Variants in PELI3 observed in about 807,000 individuals in gnomAD.
PELI3 encodes E3 ubiquitin-protein ligase pellino homolog 3.
A neutral mutation model predicts 35.5 loss-of-function variants in PELI3; 19 were observed. That is an observed-to-expected ratio of 0.54 (90% CI 0.37 to 0.79). The LOEUF is 0.79. Among genes scored for constraint, PELI3 ranks in the 30% least tolerant of loss-of-function variants. The pLI is 0.00. For missense variants in PELI3, 490 were observed against 661.2 expected (o/e 0.74, Z 2.84); for synonymous variants, 262 against 279.2 (o/e 0.94, Z 0.62).
chr11:66,476,416 C>T lies in PELI3; in HGVS notation c.*249C>T, dbSNP rs1854923068. On this transcript the variant is annotated 3_prime_UTR_variant, in exon 8 of 8. Coordinates refer to ENST00000320740, the MANE Select transcript of PELI3 (RefSeq NM_145065.3). ...TGGGTCGATGGAGGAAAGCCCAGCC[C>T]CATGGCCTTGCCCTTCCTGGGGCAT... The T allele has an allele frequency of 1.8e-6, 1 of 553,902 alleles. No individual in the cohort carries two copies. The highest frequency in any genetic ancestry group is 3.2e-6 in the Non-Finnish European group (1 of 313,150). The allele number at this position is 553,902 out of a possible 1,614,324, so 34.3% of individuals were successfully genotyped here.
chr11:66,468,405 G>C, intron 2 of PELI3, 125 bp downstream of exon 2: 1 of 971,824 alleles, frequency 1.0e-6, no homozygotes, highest in African/African-American at 1.7e-5. Flanking sequence ...CACCTTCCTA[G>C]CTGAAAGACA....
chr11:66,473,559 C>A lies in PELI3; in HGVS notation c.651+124C>A. On this transcript the variant is annotated intron_variant, in intron 6 of 7. Transcript: ENST00000320740. The surrounding 1 kb of genome is among the most constrained non-coding windows in gnomAD (Gnocchi z 5.8). ...TCCAAATGGTGGTCCTGGCAGTTAG[C>A]AACCCCACCTAACTGATGAGCAAAG... The A allele has an allele frequency of 7.5e-7, 1 of 1,325,814 alleles. No homozygotes were observed. The highest frequency in any genetic ancestry group is 1.0e-6 in the Non-Finnish European group (1 of 982,348). 82.1% of individuals were successfully genotyped at this position (1,325,814 alleles called of 1,614,324 possible).
rs776282988 is a variant in PELI3 at position 66,471,288 on chromosome 11, C to T, written c.271C>T (p.Arg91Cys). Residue 91 changes from arginine to cysteine, a missense_variant, in exon 4 of 8, where the codon CGC (arginine) becomes TGC (cysteine). Around this residue, in one of 3 missense-constraint regions of PELI3, gnomAD observed 137 missense variants for 157.1 expected, o/e 0.87. Transcript: ENST00000320740. ...ASGDKGRRRS[R>C]LALSRRSHAN... ...TGGGGACAAGGGCCGCCGGCGAAGC[C>T]GCCTGGCACTGAGCCGCCGGTCGCA... 11 of 1,613,528 alleles carry T rather than the reference C, an allele frequency of 6.8e-6. No individual in the cohort carries two copies. Among genetic ancestry groups the T allele is most frequent in the South Asian group, 4.4e-5 (4 of 91,050 alleles).
In PELI3 at chr11:66,473,140, G is replaced by A; in HGVS notation, c.457-101G>A. ...CAGGGCCTGGCAGCCTCCTTTTTTGGTGACCTTGCATACAGAGCAGCTGCT... is the reference window on the plus strand; with the variant it reads ...CAGGGCCTGGCAGCCTCCTTTTTTGATGACCTTGCATACAGAGCAGCTGCT... On this transcript the variant is annotated intron_variant, in intron 5 of 7. Transcript: ENST00000320740. This position sits in a 1 kb window ranked among gnomAD's most constrained non-coding sequence, Gnocchi z 5.8. 8.2e-7 allele frequency: 1 copy of A among 1,222,886 alleles called. No individual in the cohort carries two copies. Among genetic ancestry groups the A allele is most frequent in the Non-Finnish European group, 1.1e-6 (1 of 902,262 alleles). 75.8% of individuals were successfully genotyped at this position (1,222,886 alleles called of 1,614,324 possible).
intron 4 of PELI3, among the ~76,000 whole-genome samples, chr11:66,472,117 G>A (rs960331801): frequency 8.7e-5 from 13 of 149,142 alleles, no homozygotes; most frequent in African/African-American, 3.2e-4. Flanking sequence ...CAAGTGATCC[G>A]CCCACCTCAG....
Position 66,473,821 on chromosome 11 carries a change from G to A in PELI3, c.736G>A (p.Gly246Ser), listed in dbSNP as rs775112501. The A allele has an allele frequency of 3.1e-6, 5 of 1,613,890 alleles. No individual in the cohort carries two copies. The highest frequency in any genetic ancestry group is 1.6e-4 in the Middle Eastern group (1 of 6,062). The change falls in exon 7 of 8, where the codon GGC becomes AGC. Residue 246 changes from glycine (G) to serine (S), a missense_variant. Physicochemically the swap from Gly to Ser is moderately conservative, Grantham distance 56 (BLOSUM62 0). Coordinates refer to ENST00000320740, the MANE Select transcript of PELI3 (RefSeq NM_145065.3). This position sits in a 1 kb window ranked among gnomAD's most constrained non-coding sequence, Gnocchi z 5.8. ...AGTCCTGGTGATGCACCCGGCAGGCGGCTTCTCCGAGGACTCAGCCCCGGG... is the reference window on the plus strand; with the variant it reads ...AGTCCTGGTGATGCACCCGGCAGGCAGCTTCTCCGAGGACTCAGCCCCGGG... ...NGVLVMHPAGGFSEDSAPGVW... is the reference protein window; with the variant it reads ...NGVLVMHPAGSFSEDSAPGVW...
In PELI3 at chr11:66,473,913, G is replaced by T. The variant is rs755842243; in HGVS notation, c.828G>T (p.Gln276His). 2 of 1,613,300 alleles carry T rather than the reference G, an allele frequency of 1.2e-6. No individual in the cohort carries two copies. The highest frequency in any genetic ancestry group is 4.5e-5 in the East Asian group (2 of 44,880). ...TGCGGGACAGCCGCTCAGCCCAGCAGCGGGGCAAGCTGGTAGGTGGCCCGC... is the reference window on the plus strand; with the variant it reads ...TGCGGGACAGCCGCTCAGCCCAGCATCGGGGCAAGCTGGTAGGTGGCCCGC... ...YTLRDSRSAQ[Q>H]RGKLVENESN... Residue 276 changes from glutamine to histidine, a missense_variant, in exon 7 of 8, where the codon CAG (glutamine) becomes CAT (histidine). Coordinates refer to ENST00000320740, the MANE Select transcript of PELI3 (RefSeq NM_145065.3). This position sits in a 1 kb window ranked among gnomAD's most constrained non-coding sequence, Gnocchi z 5.8.
In PELI3 at chr11:66,476,111, T is replaced by C. The variant is rs372883519; in HGVS notation, c.1354T>C (p.Trp452Arg). 2.5e-6 allele frequency: 4 copies of C among 1,596,866 alleles called. No homozygotes were observed. Among genetic ancestry groups the C allele is most frequent in the Non-Finnish European group, 3.4e-6 (4 of 1,175,010 alleles). ...FHAACPFCGA[W>R]LTGEHGCVRL... ...TGCCGCCTGCCCCTTTTGCGGGGCC[T>C]GGCTTACCGGCGAGCATGGCTGCGT... The change falls in exon 8 of 8, where the codon TGG becomes CGG. Residue 452 changes from tryptophan (W) to arginine (R), a missense_variant. Around this residue, in one of 3 missense-constraint regions of PELI3, gnomAD observed 349 missense variants for 484.8 expected, o/e 0.72. Transcript: ENST00000320740.
intron 4 of PELI3, 70 bp downstream of exon 4, chr11:66,471,441 G>A (rs927611432): frequency 5.7e-6 from 9 of 1,571,618 alleles, no homozygotes; most frequent in Non-Finnish European, 7.8e-6. Context: ...GGCCTTCCAG[G>A]TCCTACCTGC....
chr11:66,470,981 G>A (rs1164917454), intron 3 of PELI3, among the ~76,000 whole-genome samples: 1 of 152,148 alleles, frequency 6.6e-6, no homozygotes, highest in Non-Finnish European at 1.5e-5. Context: ...CACCCATCCA[G>A]GCATGGCTCA....
chr11:66,473,879 T>C lies in PELI3; in HGVS notation c.794T>C (p.Val265Ala), dbSNP rs754046494. Reference sequence around the variant, plus strand: ...CGGGAGATCTCGGTCTGTGGGAATGTGTACACATTGCGGGACAGCCGCTCA... The same window carrying C: ...CGGGAGATCTCGGTCTGTGGGAATGCGTACACATTGCGGGACAGCCGCTCA... ...VWREISVCGNVYTLRDSRSAQ... is the reference protein window; with the variant it reads ...VWREISVCGNAYTLRDSRSAQ... Residue 265 changes from valine (V) to alanine (A), a missense_variant, in exon 7 of 8, where the codon GTG (valine) becomes GCG (alanine). Around this residue, in one of 3 missense-constraint regions of PELI3, gnomAD observed 349 missense variants for 484.8 expected, o/e 0.72. Coordinates refer to ENST00000320740, the MANE Select transcript of PELI3 (RefSeq NM_145065.3). The surrounding 1 kb of genome is among the most constrained non-coding windows in gnomAD (Gnocchi z 5.8). 1 of 1,613,636 alleles carries C rather than the reference T, an allele frequency of 6.2e-7. No homozygotes were observed. Among genetic ancestry groups the C allele is most frequent in the Non-Finnish European group, 8.5e-7 (1 of 1,179,976 alleles).
At chr11:66,472,276 G>T in intron 4 of PELI3, 93 bp from the exon 5 acceptor site, 1 of 882,280 alleles carries the variant, frequency 1.1e-6, no homozygotes. Context: ...TTCCCAGGGA[G>T]TGGCTGCTGG....
At chr11:66,469,279 A>G (rs1854637277) in intron 3 of PELI3, among the ~76,000 whole-genome samples, 1 of 151,072 alleles carries the variant, frequency 6.6e-6, no homozygotes, top group African/African-American at 2.4e-5. Flanking sequence ...AATAGTGAAC[A>G]CTTATCAAGG....
intron 3 of PELI3, among the ~76,000 whole-genome samples, chr11:66,469,791 G>GTTTTTTTTTTTTTTTT (rs34461329): frequency 2.4e-5 from 3 of 124,604 alleles, no homozygotes; most frequent in African/African-American, 9.3e-5. Context: ...CAGGGAATCT[G>GTTTTTTTTTTTTTTTT]TTTTTTTTTT....
chr11:66,475,448 G>A (rs1854871713), intron 7 of PELI3, 150 bp from the exon 8 acceptor site: 3 of 709,306 alleles, frequency 4.2e-6, no homozygotes, highest in African/African-American at 3.7e-5. Context: ...GGATGCACCT[G>A]CCTGCCCACT....
rs78746416 is a variant in PELI3 at position 66,477,231 on chromosome 11, A to G, written c.*1064A>G. 0.021 allele frequency: 3,138 copies of G among 152,302 alleles called. 96 individuals carry two copies. Among genetic ancestry groups the G allele is most frequent in the African/African-American group, 0.071 (2,958 of 41,488 alleles). The allele number at this position is 152,302 out of a possible 1,614,324, so 9.4% of individuals were successfully genotyped here. On this transcript the variant is annotated 3_prime_UTR_variant, in exon 8 of 8. Coordinates refer to ENST00000320740, the MANE Select transcript of PELI3 (RefSeq NM_145065.3). ...GGGAGGAGAGAGGACTCACTGGTCA[A>G]GAGTGTCGGCTGTGACACAAGGGCC...
intron 2 of PELI3, 27 bp downstream of exon 2, chr11:66,468,307 G>A (rs752795690): frequency 1.7e-5 from 25 of 1,437,500 alleles, no homozygotes; most frequent in Middle Eastern, 1.9e-4. Flanking sequence ...TAGAAGGGGT[G>A]AAGCACCAGA....
intron 4 of PELI3, 91 bp downstream of exon 4, chr11:66,471,462 C>T: frequency 6.7e-7 from 1 of 1,497,046 alleles, no homozygotes; most frequent in Middle Eastern, 1.9e-4. Flanking sequence ...CCACAGCCCC[C>T]ACACCTTAAC....
Position 66,476,146 on chromosome 11 carries a change from T to A in PELI3, c.1389T>A (p.Ile463=). The change falls in exon 8 of 8, where the codon ATT becomes ATA. Residue 463 remains isoleucine, a synonymous_variant. Transcript: ENST00000320740. The part of the protein sequence containing the change: ...LTGEHGCVRL[I]FQGPLD ...GCGAGCATGGCTGCGTCCGCCTCAT[T>A]TTCCAGGGCCCGCTGGATTAGGCTC... is the stretch of plus-strand genomic sequence containing the variant. 1.3e-6 allele frequency: 2 copies of A among 1,562,090 alleles called. No individual in the cohort carries two copies. The highest frequency in any genetic ancestry group is 1.7e-6 in the Non-Finnish European group (2 of 1,159,580).
Sources: gnomAD v4.1 joint callset for allele counts (sites outside exome capture counted in the v4.1 genomes callset) on GRCh38, gnomAD v4.1.1 for gene constraint, gnomAD v4.1.1 regional missense constraint, Gnocchi (gnomAD v3.1) non-coding constraint, MANE v1.5 for transcripts, NCBI Gene and HGNC (gene_info 2026-07-23, HGNC 2026-07-21) for gene names.